Variants in ARPP21 observed in about 807,000 individuals in gnomAD.
The protein encoded by ARPP21 is cAMP regulated phosphoprotein 21.
A neutral mutation model predicts 113.2 loss-of-function variants in ARPP21; 69 were observed. The ratio of observed to expected loss-of-function variants is 0.61; its 90% CI spans 0.50 to 0.74. The LOEUF (loss-of-function observed/expected upper bound fraction) is 0.74. Ranked by LOEUF, ARPP21 falls within the 30% of genes least tolerant of loss-of-function variation. ARPP21 has a pLI of 0.00. For missense variants in ARPP21, 1,070 were observed against 1,037.4 expected (o/e 1.03, Z -0.43); for synonymous variants, 368 against 375.5 (o/e 0.98, Z 0.23).
At chr3:35,675,620 A>AAT (rs1437951501) in intron 1 of ARPP21, among the ~76,000 whole-genome samples, 1 of 151,908 alleles carries the variant, frequency 6.6e-6, no homozygotes, top group Non-Finnish European at 1.5e-5. Context: ...TTTTCAGTGA[A>AAT]ATATGATGTC....
At chr3:35,719,263 T>C (rs2092805344) in intron 13 of ARPP21, among the ~76,000 whole-genome samples, 3 of 152,202 alleles carry the variant, frequency 2.0e-5, no homozygotes, top group African/African-American at 7.2e-5. Context: ...ACAAAATATA[T>C]TTTAATGTAT....
intron 1 of ARPP21, among the ~76,000 whole-genome samples, chr3:35,649,865 C>T (rs1017086360): frequency 5.9e-5 from 9 of 152,024 alleles, no homozygotes; most frequent in South Asian, 2.1e-4. Flanking sequence ...ACGTTTTACC[C>T]GATCTATAAA....
At chr3:35,791,194 G>A (rs2096740552) in intron 19 of ARPP21, among the ~76,000 whole-genome samples, 1 of 152,102 alleles carries the variant, frequency 6.6e-6, no homozygotes, top group Non-Finnish European at 1.5e-5. Context: ...TTAATATAAA[G>A]ACTCTCAGAG....
chr3:35,794,061 C>T lies in ARPP21; in HGVS notation c.*103C>T. The T allele has an allele frequency of 1.0e-6, 1 of 976,458 alleles. No individual in the cohort carries two copies. Among genetic ancestry groups the T allele is most frequent in the South Asian group, 1.6e-5 (1 of 63,754 alleles). The allele number at this position is 976,458 out of a possible 1,614,324, so 60.5% of individuals were successfully genotyped here. A position where few individuals can be genotyped will look rare whatever the true frequency, so the allele number is the denominator to read the frequency against. On this transcript the variant is annotated 3_prime_UTR_variant, in exon 21 of 21. Coordinates refer to ENST00000684406, the MANE Select transcript of ARPP21 (RefSeq NM_001385562.1). ...TGAGGACTTAAGTATTCACTCAACA[C>T]TCAAATGATTGCTGCTGGTATTCTG...
intron 1 of ARPP21, among the ~76,000 whole-genome samples, chr3:35,668,965 C>T (rs2075650430): frequency 6.6e-6 from 1 of 152,012 alleles, no homozygotes; most frequent in Non-Finnish European, 1.5e-5. Flanking sequence ...ATGAACAGTC[C>T]TCTCTGCTAG....
chr3:35,788,671 A>T (rs1452276087), intron 19 of ARPP21, among the ~76,000 whole-genome samples: 1 of 152,242 alleles, frequency 6.6e-6, no homozygotes, highest in Non-Finnish European at 1.5e-5. Flanking sequence ...CAAACTACTC[A>T]AATAAGAGTT....
At chr3:35,664,937 A>C (rs528547583) in intron 1 of ARPP21, among the ~76,000 whole-genome samples, 1 of 152,134 alleles carries the variant, frequency 6.6e-6, no homozygotes, top group East Asian at 1.9e-4. Context: ...GACTTAGCCC[A>C]CCTGCTATTT....
intron 19 of ARPP21, among the ~76,000 whole-genome samples, chr3:35,768,446 A>G (rs2096068516): frequency 6.6e-6 from 1 of 152,180 alleles, no homozygotes; most frequent in African/African-American, 2.4e-5. Flanking sequence ...TCTTTTCTAG[A>G]AAACCAATTA....
intron 11 of ARPP21, among the ~76,000 whole-genome samples, chr3:35,713,701 G>A (rs1334802027): frequency 1.3e-5 from 2 of 152,128 alleles, no homozygotes; most frequent in African/African-American, 4.8e-5. Context: ...CATGGGCAAG[G>A]TATCTTTGAC....
chr3:35,774,207 A>T (rs375405988), intron 19 of ARPP21, among the ~76,000 whole-genome samples: 1 of 152,150 alleles, frequency 6.6e-6, no homozygotes, highest in Admixed American at 6.6e-5. Flanking sequence ...GCTTGAGCCT[A>T]GAAGTTTGAT....
intron 19 of ARPP21, among the ~76,000 whole-genome samples, chr3:35,789,728 C>T (rs531620525): frequency 6.6e-6 from 1 of 152,332 alleles, no homozygotes; most frequent in Admixed American, 6.5e-5. Flanking sequence ...TCTGCTCTCA[C>T]AGGCTCTGCA....
intron 19 of ARPP21, among the ~76,000 whole-genome samples, chr3:35,758,442 G>A (rs541631124): frequency 6.6e-6 from 1 of 151,862 alleles, no homozygotes; most frequent in Non-Finnish European, 1.5e-5. Flanking sequence ...TCTGTCAAGG[G>A]CTTTTGTCTT....
intron 19 of ARPP21, among the ~76,000 whole-genome samples, chr3:35,778,053 A>T (rs934878419): frequency 7.2e-5 from 11 of 152,204 alleles, no homozygotes; most frequent in African/African-American, 2.7e-4. Flanking sequence ...ACATATTACC[A>T]GGTGTTAAAA....
chr3:35,732,043 T>A (rs548408967), intron 15 of ARPP21, among the ~76,000 whole-genome samples: 24 of 152,318 alleles, frequency 1.6e-4, no homozygotes, highest in African/African-American at 5.5e-4. Context: ...ATTGAAGGAA[T>A]ATCTACTACC....
chr3:35,671,722 A>G (rs1271941835), intron 1 of ARPP21, among the ~76,000 whole-genome samples: 3 of 152,032 alleles, frequency 2.0e-5, no homozygotes, highest in African/African-American at 7.2e-5. Flanking sequence ...TGTTAGAGTA[A>G]GCACTCAGAG....
chr3:35,792,705 A>T (rs1401211575), intron 20 of ARPP21, among the ~76,000 whole-genome samples, 175 bp downstream of exon 20: 1 of 152,216 alleles, frequency 6.6e-6, no homozygotes, highest in African/African-American at 2.4e-5. Flanking sequence ...TGCAAAATAC[A>T]TGCTTCTGTC....
In ARPP21 at chr3:35,715,439, T is replaced by G. The variant is rs761380679; in HGVS notation, c.898T>G (p.Ser300Ala). The G allele has an allele frequency of 1.2e-6, 2 of 1,613,008 alleles. No individual in the cohort carries two copies. Among genetic ancestry groups the G allele is most frequent in the South Asian group, 2.2e-5 (2 of 90,980 alleles). ...CCAATGCCTTTTTTTTATTTTTCAG[T>G]CAGTTTGCTCCCAGGAAAGCCTTTT... ...RVRERIFAHD[S>A]VCSQESLFVE... The change falls in exon 12 of 21, where the codon TCA becomes GCA. Residue 300 changes from serine to alanine, a missense_variant and splice_region_variant. Transcript: ENST00000684406.
chr3:35,695,805 G>A (rs887897146), intron 9 of ARPP21, among the ~76,000 whole-genome samples: 1 of 151,546 alleles, frequency 6.6e-6, no homozygotes, highest in African/African-American at 2.4e-5. Flanking sequence ...TGGGCATTTT[G>A]TTGAGATGGT....
At chr3:35,705,488 T>C (rs560961619) in intron 9 of ARPP21, among the ~76,000 whole-genome samples, 1 of 152,318 alleles carries the variant, frequency 6.6e-6, no homozygotes, top group South Asian at 2.1e-4. Flanking sequence ...GTGGAAAACA[T>C]TTACATTGAA....
Sources: allele counts gnomAD v4.1 joint callset (sites outside exome capture counted in the v4.1 genomes callset), GRCh38; gene constraint gnomAD v4.1.1; transcripts MANE v1.5; gene names NCBI Gene and HGNC (gene_info 2026-07-23, HGNC 2026-07-21).